Variants in ZNF519 observed in about 807,000 individuals in gnomAD.
ZNF519 encodes the protein similar to Zinc finger protein 85 (Zinc finger protein HPF4) (HTF1).
ZNF519 carries 7 observed loss-of-function variants against 7.4 expected under a neutral mutation model. The observed-to-expected ratio is 0.94, with a 90% CI of 0.54 to 1.77. The LOEUF is 1.77. Among genes scored for constraint, ZNF519 ranks in the 40% most tolerant of loss-of-function variants. ZNF519 has a pLI of 0.00. For synonymous variants in ZNF519, 179 were observed against 203.3 expected, an observed-to-expected ratio of 0.88 and a Z score of 1.02; for missense variants, 586 against 623.1, an observed-to-expected ratio of 0.94 and a Z score of 0.63.
intron 3 of ZNF519, chr18:14,084,113 A>C (rs544090715): frequency 2.1e-4 from 32 of 152,328 alleles, no homozygotes; most frequent in African/African-American, 7.5e-4. Context: ...GTGCGGCAGG[A>C]CATTGCAGAG....
Position 14,115,302 on chromosome 18 carries a change from T to C in ZNF519, c.131-8893A>G, listed in dbSNP as rs939481761. Among the ~76,000 whole-genome samples the C allele has an allele frequency of 1.9e-4, 29 of 152,190 alleles. 1 individual carries two copies. Among genetic ancestry groups the C allele is most frequent in the African/African-American group, 7.0e-4 (29 of 41,434 alleles). On this transcript the variant is annotated intron_variant, in intron 2 of 2. Transcript: ENST00000590202. ...CACATCTCTGGTTTCCGAGGGGCTA[T>C]CCAAAGATGGGGTTTGGCTCCCCTG...
intron 2 of ZNF519, among the ~76,000 whole-genome samples, chr18:14,110,042 G>A (rs2143136721): frequency 6.6e-6 from 1 of 151,952 alleles, no homozygotes. Context: ...CCAAATACAG[G>A]CAACTCATCT....
chr18:14,116,986 G>C (rs2046249181), intron 2 of ZNF519, among the ~76,000 whole-genome samples: 1 of 152,154 alleles, frequency 6.6e-6, no homozygotes, highest in African/African-American at 2.4e-5. Flanking sequence ...ACTCCAGCAT[G>C]GGCAACGAGA....
intron 3 of ZNF519, among the ~76,000 whole-genome samples, chr18:14,080,863 G>A (rs78645917): frequency 0.029 from 4,396 of 152,118 alleles, 215 homozygotes; most frequent in African/African-American, 0.1. Context: ...ATATGCTATC[G>A]AGCCTGAAAA....
At position 14,079,759 on chromosome 18, in the gene ZNF519, T is replaced by C. The variant is rs940876112; in HGVS notation, c.*178-1461A>G. Among the ~76,000 whole-genome samples, 4 of 152,116 alleles carry C rather than the reference T, an allele frequency of 2.6e-5. No individual in the cohort carries two copies. In the East Asian group the frequency reaches 7.7e-4, roughly 29 times the overall value. On this transcript the variant is annotated intron_variant and NMD_transcript_variant, in intron 3 of 4. Coordinates refer to the ZNF519 transcript ENST00000587419. ...CATCTTCACCAAAATGAACACAAAA[T>C]AGATTACAAGTCTAAATGTAAAACA...
chr18:14,115,481 T>A (rs781659728), intron 2 of ZNF519, among the ~76,000 whole-genome samples: 3 of 152,232 alleles, frequency 2.0e-5, no homozygotes, highest in Non-Finnish European at 4.4e-5. Context: ...GCATACACCC[T>A]GATTTTAAAA....
At chr18:14,130,634 G>T (rs1004368634) in intron 1 of ZNF519, among the ~76,000 whole-genome samples, 18 of 152,028 alleles carry the variant, frequency 1.2e-4, no homozygotes, top group African/African-American at 3.6e-4. Flanking sequence ...CCTCCCAGGA[G>T]ACACTGCACT....
intron 1 of ZNF519, among the ~76,000 whole-genome samples, chr18:14,127,066 G>C (rs2046302769): frequency 6.6e-6 from 1 of 152,114 alleles, no homozygotes; most frequent in African/African-American, 2.4e-5. Flanking sequence ...CTGAGGTAAG[G>C]GGAAGAACAA....
In ZNF519 at chr18:14,104,595, T is replaced by C; in HGVS notation, c.*322A>G. On this transcript the variant is annotated 3_prime_UTR_variant, in exon 3 of 3. Coordinates refer to ENST00000590202, the MANE Select transcript of ZNF519 (RefSeq NM_145287.4). ...ATAATACTTTCTCAATCATGAATAC[T>C]GTGATTACAAAAATAAGTGAACATT... The C allele has an allele frequency of 4.5e-6, 1 of 223,292 alleles. No individual in the cohort carries two copies. Among genetic ancestry groups the C allele is most frequent in the Admixed American group, 5.2e-5 (1 of 19,308 alleles). 13.8% of individuals were successfully genotyped at this position (223,292 alleles called of 1,614,324 possible). A position where few individuals can be genotyped will look rare whatever the true frequency, so the allele number is the denominator to read the frequency against.
chr18:14,083,169 G>T (rs1171960016), intron 3 of ZNF519, among the ~76,000 whole-genome samples: 2 of 152,032 alleles, frequency 1.3e-5, no homozygotes, highest in Non-Finnish European at 2.9e-5. Context: ...GGCCAACAAG[G>T]CAAAACGCCA....
At chr18:14,123,678 T>C (rs1042231101) in intron 2 of ZNF519, among the ~76,000 whole-genome samples, 1 of 152,142 alleles carries the variant, frequency 6.6e-6, no homozygotes, top group Non-Finnish European at 1.5e-5. Flanking sequence ...ACTGTGCCAC[T>C]GCACTCCAGC....
chr18:14,097,063 T>A (rs1192468643), downstream of ZNF519, among the ~76,000 whole-genome samples: 1 of 152,180 alleles, frequency 6.6e-6, no homozygotes, highest in Non-Finnish European at 1.5e-5. Flanking sequence ...ACCTTCTCCA[T>A]CAAACCTTAT....
At chr18:14,124,743 C>T (rs1315204521) in intron 1 of ZNF519, among the ~76,000 whole-genome samples, 1 of 152,002 alleles carries the variant, frequency 6.6e-6, no homozygotes, top group Non-Finnish European at 1.5e-5. Context: ...TCTGGAACAA[C>T]GGGTGAACTC....
intron 2 of ZNF519, chr18:14,122,524 G>T (rs1199350363): frequency 1.3e-5 from 2 of 151,976 alleles, no homozygotes; most frequent in Non-Finnish European, 2.9e-5. Context: ...CAAAACCAAT[G>T]GAAAAGCAGA....
chr18:14,081,950 CTGT>C (rs1567938022), intron 3 of ZNF519, among the ~76,000 whole-genome samples: 6 of 151,538 alleles, frequency 4.0e-5, no homozygotes, highest in Admixed American at 2.0e-4. Context: ...AATAACAAGA[CTGT>C]TTATATTATA....
At chr18:14,115,238 T>C (rs2046240524) in intron 2 of ZNF519, among the ~76,000 whole-genome samples, 1 of 152,222 alleles carries the variant, frequency 6.6e-6, no homozygotes, top group Non-Finnish European at 1.5e-5. Flanking sequence ...CAACTCTATG[T>C]TTCTTCCTCA....
chr18:14,088,260 C>T (rs1490003015), intron 2 of ZNF519, among the ~76,000 whole-genome samples: 1 of 152,128 alleles, frequency 6.6e-6, no homozygotes, highest in Non-Finnish European at 1.5e-5. Flanking sequence ...AAGTCTTGTT[C>T]CAAAGTAAAG....
intron 2 of ZNF519, among the ~76,000 whole-genome samples, chr18:14,114,160 A>C (rs979179280): frequency 6.6e-6 from 1 of 151,770 alleles, no homozygotes; most frequent in Non-Finnish European, 1.5e-5. Context: ...CCATTTGTCC[A>C]TTTTTGCTTT....
chr18:14,116,866 C>T (rs1263041495), intron 2 of ZNF519, among the ~76,000 whole-genome samples: 1 of 152,080 alleles, frequency 6.6e-6, no homozygotes, highest in East Asian at 1.9e-4. Flanking sequence ...TAAAAATTAG[C>T]CAGGTGTGGT....
Sources: gnomAD v4.1 joint callset for allele counts (sites outside exome capture counted in the v4.1 genomes callset) on GRCh38, gnomAD v4.1.1 for gene constraint, MANE v1.5 for transcripts, NCBI Gene and HGNC (gene_info 2026-07-23, HGNC 2026-07-21) for gene names.